The following NAV2 variants were observed in gnomAD, a reference collection of about 807,000 sequenced individuals.
The protein encoded by NAV2 is helicase, APC down-regulated 1.
In NAV2, 54 loss-of-function variants were observed where a neutral mutation model predicts 223.2. The observed-to-expected ratio is 0.24, with a 90% CI of 0.19 to 0.30. The LOEUF (loss-of-function observed/expected upper bound fraction) is 0.30, where lower values mean the gene tolerates loss of function less well. Ranked by LOEUF, NAV2 falls within the 10% of genes least tolerant of loss-of-function variation. NAV2 has a pLI of 1.00. For synonymous variants in NAV2, 1,279 were observed against 1,239.3 expected (o/e 1.03, Z -0.67); for missense variants, 2,806 against 3,147.5 (o/e 0.89, Z 2.60).
intron 1 of NAV2, among the ~76,000 whole-genome samples, chr11:19,516,941 G>A (rs1319813778): frequency 3.3e-5 from 5 of 152,146 alleles, no homozygotes; most frequent in Non-Finnish European, 5.9e-5. Context: ...TGGGCATGGT[G>A]GCTCACACCT....
intron 1 of NAV2, among the ~76,000 whole-genome samples, chr11:19,776,408 A>G (rs988376213): frequency 7.9e-5 from 12 of 152,188 alleles, no homozygotes; most frequent in African/African-American, 2.9e-4. Context: ...AATAAAGGCC[A>G]CAGGCTGCCT....
intron 5 of NAV2, among the ~76,000 whole-genome samples, chr11:19,889,482 G>T (rs7121882): frequency 3.3e-5 from 5 of 152,040 alleles, no homozygotes; most frequent in Middle Eastern, 6.8e-3. Context: ...AGTGGTCAAG[G>T]GTGGACAGGA....
chr11:19,535,183 A>G (rs1269428462), intron 1 of NAV2, among the ~76,000 whole-genome samples: 1 of 152,158 alleles, frequency 6.6e-6, no homozygotes, highest in Admixed American at 6.5e-5. Flanking sequence ...AGATCAGGTG[A>G]GACAGGAACC....
intron 1 of NAV2, among the ~76,000 whole-genome samples, chr11:19,604,427 G>A (rs960123710): frequency 1.3e-5 from 2 of 152,186 alleles, no homozygotes; most frequent in Non-Finnish European, 2.9e-5. Flanking sequence ...ATGACTCCAA[G>A]CATTGGGGTC....
At chr11:19,555,392 C>T (rs2044847418) in intron 1 of NAV2, among the ~76,000 whole-genome samples, 1 of 152,188 alleles carries the variant, frequency 6.6e-6, no homozygotes, top group South Asian at 2.1e-4. Context: ...TCATCCAGTG[C>T]AATTCCTGGG....
intron 1 of NAV2, among the ~76,000 whole-genome samples, chr11:19,759,785 A>G (rs2054576776): frequency 6.6e-6 from 1 of 152,200 alleles, no homozygotes; most frequent in Admixed American, 6.5e-5. Flanking sequence ...TAATATATAC[A>G]AAGTGCTCAT....
intron 11 of NAV2, among the ~76,000 whole-genome samples, chr11:19,992,269 C>T (rs1237688238): frequency 1.3e-5 from 2 of 152,224 alleles, no homozygotes; most frequent in Non-Finnish European, 2.9e-5. Context: ...AGTGCCACTA[C>T]CTGTAGGATC....
At position 19,984,263 on chromosome 11, in the gene NAV2, T is replaced by C; in HGVS notation, c.2768+16T>C. On this transcript the variant is annotated intron_variant, in intron 11 of 37. Transcript: ENST00000349880. ...ACGCTGACAGGTAAGCTTGCTGCAC[T>C]TGGGGCTGGTCAGATGCAGAGGTGA... The C allele has an allele frequency of 2.5e-6, 4 of 1,613,616 alleles. No homozygotes were observed. The highest frequency in any genetic ancestry group is 3.4e-6 in the Non-Finnish European group (4 of 1,179,904).
rs764912090 is a variant in NAV2, at chr11:20,095,656, A to C, written c.5917-16A>C. The C allele has an allele frequency of 4.4e-6, 7 of 1,591,236 alleles. No individual in the cohort carries two copies. Among genetic ancestry groups the C allele is most frequent in the South Asian group, 3.3e-5 (3 of 90,526 alleles). Reference sequence around the variant, plus strand: ...ATCCACCTGTTTTTCACCTGTGTACATTTCCTTACCCTTAGGATTCCAGAC... The same window carrying C: ...ATCCACCTGTTTTTCACCTGTGTACCTTTCCTTACCCTTAGGATTCCAGAC... On this transcript the variant is annotated splice_polypyrimidine_tract_variant and intron_variant, in intron 29 of 37. Coordinates refer to ENST00000349880, the MANE Select transcript of NAV2 (RefSeq NM_145117.5).
At chr11:19,831,348 C>G (rs1405275929) in intron 1 of NAV2, among the ~76,000 whole-genome samples, 3 of 151,498 alleles carry the variant, frequency 2.0e-5, no homozygotes, top group African/African-American at 7.3e-5. Context: ...CTGGGAGTCA[C>G]ATGGATCCTC....
At chr11:19,800,668 A>G (rs1013498028) in intron 1 of NAV2, among the ~76,000 whole-genome samples, 5 of 124,966 alleles carry the variant, frequency 4.0e-5, no homozygotes, top group African/African-American at 9.6e-5. Flanking sequence ...AAAAAAGGAG[A>G]ATGGGTGTGT....
intron 3 of NAV2, among the ~76,000 whole-genome samples, chr11:19,860,990 A>G (rs1311376718): frequency 7.2e-6 from 1 of 139,658 alleles, no homozygotes; most frequent in African/African-American, 2.6e-5. Context: ...AGTACAGTCC[A>G]GCTTCGGCTC....
At chr11:20,016,520 C>T (rs1591671705) in intron 11 of NAV2, among the ~76,000 whole-genome samples, 2 of 152,320 alleles carry the variant, frequency 1.3e-5, no homozygotes, top group South Asian at 2.1e-4. Context: ...ACAGAAACTG[C>T]AGCTCTATAA....
At chr11:19,490,436 T>A (rs2042587709) in intron 1 of NAV2, among the ~76,000 whole-genome samples, 1 of 152,228 alleles carries the variant, frequency 6.6e-6, no homozygotes, top group Admixed American at 6.5e-5. Flanking sequence ...ATATTCTAAA[T>A]CCTTTGTTGG....
At chr11:19,368,924 C>T (rs1034848301) in intron 1 of NAV2, among the ~76,000 whole-genome samples, 1 of 152,146 alleles carries the variant, frequency 6.6e-6, no homozygotes, top group Non-Finnish European at 1.5e-5. Flanking sequence ...CTCCAAATTC[C>T]TGGTTATATT....
chr11:19,897,886 T>TTTATATATA (rs144642336), intron 6 of NAV2, among the ~76,000 whole-genome samples: 1 of 120,660 alleles, frequency 8.3e-6, no homozygotes, highest in East Asian at 3.4e-4. Context: ...GACCTGTGAT[T>TTTATATATA]TATATATATA....
At chr11:19,407,356 G>T (rs959385041) in intron 1 of NAV2, among the ~76,000 whole-genome samples, 13 of 152,088 alleles carry the variant, frequency 8.5e-5, no homozygotes, top group Non-Finnish European at 1.6e-4. Flanking sequence ...ACTTAATGGT[G>T]GTCAGAAAAG....
At chr11:19,392,975 C>A (rs554355603) in intron 1 of NAV2, among the ~76,000 whole-genome samples, 8 of 152,170 alleles carry the variant, frequency 5.3e-5, no homozygotes, top group Non-Finnish European at 1.2e-4. Flanking sequence ...TGCTTATGGC[C>A]TCCCTATGGG....
intron 6 of NAV2, among the ~76,000 whole-genome samples, chr11:19,913,127 C>G (rs893877907): frequency 2.0e-5 from 3 of 152,202 alleles, no homozygotes; most frequent in Non-Finnish European, 4.4e-5. Flanking sequence ...GTTTGAATCA[C>G]TCTGTCCTGT....
Sources: gnomAD v4.1 joint callset for allele counts (sites outside exome capture counted in the v4.1 genomes callset) on GRCh38, gnomAD v4.1.1 for gene constraint, MANE v1.5 for transcripts, NCBI Gene and HGNC (gene_info 2026-07-23, HGNC 2026-07-21) for gene names.